The following TFDP1 variants were observed in gnomAD, a reference collection of about 807,000 sequenced individuals.
TFDP1 encodes transcription factor Dp-1.
A neutral mutation model predicts 48.0 loss-of-function variants in TFDP1; 6 were observed. The ratio of observed to expected loss-of-function variants is 0.13; its 90% CI spans 0.07 to 0.25. The LOEUF is 0.25. Ranked by LOEUF, TFDP1 falls within the 10% of genes least tolerant of loss-of-function variation. The probability of loss-of-function intolerance (pLI) is 1.00; values close to 1 mark genes in which losing one functional copy is unlikely to be tolerated. For missense variants in TFDP1, 335 were observed against 543.0 expected, an observed-to-expected ratio of 0.62 and a Z score of 3.81; for synonymous variants, 201 against 211.6, an observed-to-expected ratio of 0.95 and a Z score of 0.44.
intron 10 of TFDP1, chr13:113,637,580 T>C (rs2049524814): frequency 6.6e-7 from 1 of 1,510,016 alleles, no homozygotes; most frequent in Non-Finnish European, 8.8e-7. Flanking sequence ...TAAGTCAGTG[T>C]GTGCAGGTAT....
At chr13:113,608,864 C>T (rs115246933) in intron 2 of TFDP1, among the ~76,000 whole-genome samples, 199 of 152,222 alleles carry the variant, frequency 1.3e-3, no homozygotes, top group African/African-American at 4.7e-3. Context: ...CAGACCCACT[C>T]GCCTTTTTCT....
intron 8 of TFDP1, among the ~76,000 whole-genome samples, chr13:113,634,938 C>A (rs1377447874): frequency 2.0e-5 from 3 of 152,100 alleles, no homozygotes; most frequent in Admixed American, 2.0e-4. Flanking sequence ...TGTGTGCATA[C>A]ATGTGTATGT....
At chr13:113,597,387 C>T (rs1330767623) in intron 2 of TFDP1, among the ~76,000 whole-genome samples, 2 of 152,174 alleles carry the variant, frequency 1.3e-5, no homozygotes, top group Non-Finnish European at 2.9e-5. Context: ...AGGCCTGGAC[C>T]CCGTCGCGCT....
chr13:113,603,791 A>G (rs141807877), intron 2 of TFDP1, among the ~76,000 whole-genome samples: 1 of 152,286 alleles, frequency 6.6e-6, no homozygotes, highest in East Asian at 1.9e-4. Context: ...TGTGTTTAGC[A>G]CCTTGAGGTG....
In TFDP1 at chr13:113,611,495, C is replaced by T. The variant is rs867365860; in HGVS notation, c.79+433C>T. 6.6e-5 allele frequency among the ~76,000 whole-genome samples: 10 copies of T among 152,334 alleles called. No individual in the cohort carries two copies. The South Asian group carries it at 1.0e-3, about 16-fold the overall frequency. On this transcript the variant is annotated intron_variant, in intron 3 of 11. Coordinates refer to ENST00000375370, the MANE Select transcript of TFDP1 (RefSeq NM_007111.5). Reference sequence around the variant, plus strand: ...GGCACTTGCCACCTTTAACGCTTCGCGTGTGTATTTTACTAGCTCTTGAGG... The same window carrying T: ...GGCACTTGCCACCTTTAACGCTTCGTGTGTGTATTTTACTAGCTCTTGAGG...
intron 5 of TFDP1, among the ~76,000 whole-genome samples, chr13:113,632,288 C>T (rs947302533): frequency 1.3e-5 from 2 of 152,248 alleles, no homozygotes; most frequent in Admixed American, 6.5e-5. Flanking sequence ...CAGCTAGGAA[C>T]CTCAGGTGGC....
intron 2 of TFDP1, among the ~76,000 whole-genome samples, chr13:113,608,004 C>A (rs1046259373): frequency 2.0e-5 from 3 of 152,216 alleles, no homozygotes; most frequent in African/African-American, 7.2e-5. Context: ...AGCGGTGGAA[C>A]ATTTACAGAC....
chr13:113,608,234 C>T (rs1283489088), intron 2 of TFDP1, among the ~76,000 whole-genome samples: 1 of 152,240 alleles, frequency 6.6e-6, no homozygotes, highest in African/African-American at 2.4e-5. Context: ...GGCACTGTGC[C>T]ACCCGGGGCA....
chr13:113,593,912 G>T (rs1223364006), intron 2 of TFDP1, among the ~76,000 whole-genome samples: 1 of 147,196 alleles, frequency 6.8e-6, no homozygotes, highest in South Asian at 2.2e-4. Context: ...TGGTGTGTGC[G>T]GGTCCTCAGC....
rs549869741 is a variant in TFDP1 at position 113,604,826 on chromosome 13, G to C, written c.13-6170G>C. Among the ~76,000 whole-genome samples, 8 of 152,332 alleles carry C rather than the reference G, an allele frequency of 5.3e-5. No homozygotes were observed. The South Asian group carries it at 1.5e-3, about 28-fold the overall frequency. ...CGTTCTGACGTTACAGCGGGGGTCT[G>C]GTGCTGTTGTCTCAGGCAGGAATGG... On this transcript the variant is annotated intron_variant, in intron 2 of 11. Transcript: ENST00000375370.
chr13:113,610,456 C>G (rs759872109), intron 2 of TFDP1, among the ~76,000 whole-genome samples: 3 of 149,102 alleles, frequency 2.0e-5, no homozygotes, highest in Non-Finnish European at 3.0e-5. Context: ...CGCTGTGTGG[C>G]TGTGCCATCA....
chr13:113,593,711 T>C (rs1157240977), intron 2 of TFDP1, among the ~76,000 whole-genome samples: 2 of 116,626 alleles, frequency 1.7e-5, no homozygotes, highest in African/African-American at 3.4e-5. Flanking sequence ...GTGGTGTACG[T>C]GGGTCCTCAG....
intron 2 of TFDP1, among the ~76,000 whole-genome samples, chr13:113,590,925 G>A (rs1196142115): frequency 6.9e-6 from 1 of 145,064 alleles, no homozygotes; most frequent in Non-Finnish European, 1.5e-5. Flanking sequence ...TAGGAGAATG[G>A]CGTGAACTCG....
chr13:113,602,727 AG>A (rs1402000289), intron 2 of TFDP1, among the ~76,000 whole-genome samples: 1 of 152,130 alleles, frequency 6.6e-6, no homozygotes, highest in Admixed American at 6.5e-5. Flanking sequence ...AATCATTTGC[AG>A]GGTCCCCCCT....
At chr13:113,611,868 C>G (rs1338544125) in intron 3 of TFDP1, among the ~76,000 whole-genome samples, 1 of 152,198 alleles carries the variant, frequency 6.6e-6, no homozygotes, top group African/African-American at 2.4e-5. Context: ...GTCCCAAGAC[C>G]TGTCTGCCTG....
intron 7 of TFDP1, chr13:113,634,314 T>G (rs2140613645): frequency 3.2e-6 from 2 of 634,900 alleles, no homozygotes; most frequent in South Asian, 3.9e-5. Flanking sequence ...CATAGTTAAA[T>G]CCAAGAAATG....
intron 3 of TFDP1, among the ~76,000 whole-genome samples, chr13:113,614,331 GC>G (rs909095587): frequency 6.6e-6 from 1 of 152,144 alleles, no homozygotes; most frequent in Non-Finnish European, 1.5e-5. Flanking sequence ...TCACTAGTGG[GC>G]CCCCCTTGCC....
chr13:113,613,895 CTG>C (rs560819949), intron 3 of TFDP1, among the ~76,000 whole-genome samples: 40 of 143,740 alleles, frequency 2.8e-4, no homozygotes, highest in African/African-American at 7.0e-4. Context: ...GTGAGTGTAC[CTG>C]TGAGTTTGCG....
Position 113,636,515 on chromosome 13 carries a change from CTG to C in TFDP1, c.840-16_840-15del, listed in dbSNP as rs747552897. 9 of 1,611,780 alleles carry C rather than the reference CTG, an allele frequency of 5.6e-6. No homozygotes were observed. The East Asian group carries it at 6.7e-5, about 12-fold the overall frequency. ...CCGCTGGGAGACCCTGTCTTTCTGA[CTG>C]TGCCTTTCCCCTTCAGATTTGAGTA... is the stretch of plus-strand genomic sequence containing the variant. On this transcript the variant is annotated splice_polypyrimidine_tract_variant and intron_variant, in intron 9 of 11. Coordinates refer to ENST00000375370, the MANE Select transcript of TFDP1 (RefSeq NM_007111.5).
Sources: allele counts gnomAD v4.1 joint callset (sites outside exome capture counted in the v4.1 genomes callset), GRCh38; gene constraint gnomAD v4.1.1; transcripts MANE v1.5; gene names NCBI Gene and HGNC (gene_info 2026-07-23, HGNC 2026-07-21).